The following COL5A1 variants were observed in gnomAD, a reference collection of about 807,000 sequenced individuals.
COL5A1 encodes collagen alpha-1(V) chain.
COL5A1 carries 16 observed loss-of-function variants against 263.7 expected under a neutral mutation model. The ratio of observed to expected loss-of-function variants is 0.06; its 90% CI spans 0.04 to 0.09. The LOEUF (loss-of-function observed/expected upper bound fraction) is 0.09. Ranked by LOEUF, COL5A1 falls within the 10% of genes least tolerant of loss-of-function variation. COL5A1 has a pLI of 1.00. For missense variants in COL5A1, 2,036 were observed against 2,540.5 expected, an observed-to-expected ratio of 0.80 and a Z score of 4.27; for synonymous variants, 1,012 against 1,004.5, an observed-to-expected ratio of 1.01 and a Z score of -0.14.
chr9:134,671,662 G>A (rs1000236030), intron 1 of COL5A1, among the ~76,000 whole-genome samples: 8 of 152,230 alleles, frequency 5.3e-5, no homozygotes, highest in Admixed American at 4.6e-4. Flanking sequence ...ACATCTGGAC[G>A]AGTGCGTGAA....
chr9:134,764,560 G>A (rs1463771855), intron 20 of COL5A1, among the ~76,000 whole-genome samples: 1 of 152,136 alleles, frequency 6.6e-6, no homozygotes, highest in African/African-American at 2.4e-5. Flanking sequence ...TAGGCCCAGA[G>A]CAAATTTCCT....
chr9:134,726,704 A>T (rs1413595572), intron 4 of COL5A1, among the ~76,000 whole-genome samples: 5 of 150,036 alleles, frequency 3.3e-5, no homozygotes, highest in Non-Finnish European at 5.9e-5. Flanking sequence ...GGACTGGTAG[A>T]TGTAGATGGA....
In COL5A1 at chr9:134,836,821, G is replaced by A. The variant is rs374531849; in HGVS notation, c.5370+1617G>A. 2.9e-4 allele frequency among the ~76,000 whole-genome samples: 44 copies of A among 152,350 alleles called. No homozygotes were observed. The East Asian group carries it at 7.7e-3, about 27-fold the overall frequency. ...ATCCCGCGGCCAGGCCGTGCTCAGCGGGGGCCGCCCTCACCAGGAGTGCTC... is the reference window on the plus strand; with the variant it reads ...ATCCCGCGGCCAGGCCGTGCTCAGCAGGGGCCGCCCTCACCAGGAGTGCTC... On this transcript the variant is annotated intron_variant, in intron 65 of 65. Coordinates refer to ENST00000371817, the MANE Select transcript of COL5A1 (RefSeq NM_000093.5).
intron 11 of COL5A1, among the ~76,000 whole-genome samples, chr9:134,744,819 T>G (rs552133028): frequency 1.4e-5 from 2 of 147,040 alleles, no homozygotes; most frequent in African/African-American, 2.5e-5. Flanking sequence ...ATTCGCACAC[T>G]CATGCATGCA....
chr9:134,829,765 C>T lies in COL5A1; in HGVS notation c.5068-211C>T, dbSNP rs879171799. Among the ~76,000 whole-genome samples, 22 of 152,180 alleles carry T rather than the reference C, an allele frequency of 1.4e-4. No individual in the cohort carries two copies. The South Asian group carries it at 3.9e-3, about 27-fold the overall frequency. ...GGCTCATCCCCCCAAGGACCTGGGC[C>T]GGGCTCATTCTCCTGTGACCTCCAG... On this transcript the variant is annotated intron_variant, in intron 63 of 65. Transcript: ENST00000371817.
chr9:134,772,466 G>A (rs1445655753), intron 25 of COL5A1, among the ~76,000 whole-genome samples: 2 of 152,206 alleles, frequency 1.3e-5, no homozygotes, highest in Non-Finnish European at 1.5e-5. Flanking sequence ...GCCGGGTCAG[G>A]AGCCACCGTG....
intron 28 of COL5A1, 35 bp downstream of exon 28, chr9:134,780,181 T>G: frequency 6.2e-7 from 1 of 1,609,556 alleles, no homozygotes. Flanking sequence ...GGCCCCCTGC[T>G]TAGTCCGGAG....
chr9:134,838,247 G>GC (rs748838641), intron 65 of COL5A1, among the ~76,000 whole-genome samples: 9 of 152,172 alleles, frequency 5.9e-5, no homozygotes, highest in South Asian at 4.1e-4. Flanking sequence ...GCCAGTAGGA[G>GC]CCCCCTACCG....
At chr9:134,660,542 T>C (rs1285744721) in intron 1 of COL5A1, among the ~76,000 whole-genome samples, 1 of 152,210 alleles carries the variant, frequency 6.6e-6, no homozygotes, top group Non-Finnish European at 1.5e-5. Context: ...GCTCATGACA[T>C]CAAAGCCTCA....
intron 52 of COL5A1, among the ~76,000 whole-genome samples, chr9:134,816,235 G>T (rs954453964): frequency 2.6e-5 from 4 of 152,234 alleles, no homozygotes; most frequent in Non-Finnish European, 4.4e-5. Context: ...CAGGTTTGCA[G>T]GCAGCCCCAG....
chr9:134,649,560 G>A (rs937766164), intron 1 of COL5A1: 1 of 456,610 alleles, frequency 2.2e-6, no homozygotes, highest in Non-Finnish European at 4.5e-6. Context: ...CTCGGCAATA[G>A]GGTTTCTGGT....
At chr9:134,685,426 C>G (rs1833014246) in intron 1 of COL5A1, among the ~76,000 whole-genome samples, 1 of 4,952 alleles carries the variant, frequency 2.0e-4, no homozygotes, top group Non-Finnish European at 5.9e-4. Flanking sequence ...ATCCATCCAT[C>G]CATCCATCCA....
chr9:134,759,656 ATACGCATGCACAC>A (rs1836190560), intron 18 of COL5A1, among the ~76,000 whole-genome samples: 1 of 109,220 alleles, frequency 9.2e-6, no homozygotes, highest in African/African-American at 4.3e-5. Flanking sequence ...ACATGCACAC[ATACGCATGCACAC>A]CCCCACACCC....
intron 1 of COL5A1, among the ~76,000 whole-genome samples, chr9:134,689,189 G>A (rs765219043): frequency 2.0e-5 from 3 of 152,238 alleles, no homozygotes; most frequent in Non-Finnish European, 4.4e-5. Flanking sequence ...GCAGTGCCGA[G>A]GCTGCAGGTG....
At chr9:134,763,646 A>C (rs1187835938) in intron 19 of COL5A1, 47 bp from the exon 20 acceptor site, 1 of 1,590,910 alleles carries the variant, frequency 6.3e-7, no homozygotes, top group Admixed American at 1.7e-5. Context: ...GCTGGTGTCC[A>C]GGCTAACAGC....
At chr9:134,740,345 C>A (rs1375354767) in intron 11 of COL5A1, among the ~76,000 whole-genome samples, 1 of 152,212 alleles carries the variant, frequency 6.6e-6, no homozygotes, top group Non-Finnish European at 1.5e-5. Flanking sequence ...TCTGGAGACC[C>A]CTTCCCCCAG....
At chr9:134,808,621 T>G (rs541692084) in intron 42 of COL5A1, among the ~76,000 whole-genome samples, 103 of 152,236 alleles carry the variant, frequency 6.8e-4, no homozygotes, top group African/African-American at 2.3e-3. Flanking sequence ...ATGCTTGTTT[T>G]GTGCACATGC....
chr9:134,837,417 C>T (rs1839885199), intron 65 of COL5A1, among the ~76,000 whole-genome samples: 1 of 152,098 alleles, frequency 6.6e-6, no homozygotes, highest in African/African-American at 2.4e-5. Context: ...CAGACCCCTG[C>T]TCCCTAATCT....
chr9:134,765,145 G>C lies in COL5A1; in HGVS notation c.2035-536G>C, dbSNP rs183365226. Among the ~76,000 whole-genome samples, 3 of 152,134 alleles carry C rather than the reference G, an allele frequency of 2.0e-5. No homozygotes were observed. Among genetic ancestry groups the C allele is most frequent in the African/African-American group, 7.2e-5 (3 of 41,426 alleles). On this transcript the variant is annotated intron_variant, in intron 20 of 65. Coordinates refer to ENST00000371817, the MANE Select transcript of COL5A1 (RefSeq NM_000093.5). The surrounding 1 kb of genome is among the most constrained non-coding windows in gnomAD (Gnocchi z 5.1). The stretch of plus-strand genomic sequence containing the variant: ...CAGAGTAGCGTCCTGGAAAAGATCT[G>C]TACCCCACGCCTCCTTCTGCACATT...
Sources: allele counts gnomAD v4.1 joint callset (sites outside exome capture counted in the v4.1 genomes callset), GRCh38; gene constraint gnomAD v4.1.1; non-coding constraint Gnocchi (gnomAD v3.1); transcripts MANE v1.5; gene names NCBI Gene and HGNC (gene_info 2026-07-23, HGNC 2026-07-21).